The following GSN variants were observed in gnomAD, a reference collection of about 807,000 sequenced individuals.
GSN encodes the protein actin-depolymerizing factor.
GSN carries 56 observed loss-of-function variants against 85.7 expected under a neutral mutation model. That is an observed-to-expected ratio of 0.65 (90% CI 0.53 to 0.82). The LOEUF (loss-of-function observed/expected upper bound fraction) is 0.82, where lower values mean the gene tolerates loss of function less well. Ranked by LOEUF, GSN falls within the 40% of genes least tolerant of loss-of-function variation. GSN has a pLI of 0.00. For missense variants in GSN, 857 were observed against 979.8 expected (o/e 0.87, Z 1.67); for synonymous variants, 373 against 399.1 (o/e 0.93, Z 0.78).
chr9:121,251,187 C>CTGTTTTTTTTTTTTTTTTTT (rs2054825042), intron 6 of GSN, among the ~76,000 whole-genome samples: 1 of 73,044 alleles, frequency 1.4e-5, no homozygotes, highest in African/African-American at 6.5e-5. Flanking sequence ...CTGATGTGTT[C>CTGTTTTTTTTTTTTTTTTTT]TTTTTTTTTT....
At chr9:121,277,049 C>T (rs2056770619) in intron 1 of GSN, among the ~76,000 whole-genome samples, 1 of 152,132 alleles carries the variant, frequency 6.6e-6, no homozygotes, top group South Asian at 2.1e-4. Context: ...CCTGCCCCCA[C>T]CCCTCCATAA....
intron 10 of GSN, among the ~76,000 whole-genome samples, chr9:121,320,220 C>T (rs2062240788): frequency 6.6e-6 from 1 of 152,234 alleles, no homozygotes; most frequent in Non-Finnish European, 1.5e-5. Flanking sequence ...CTCCATAGCT[C>T]CACCAGGTGG....
chr9:121,250,426 G>T (rs1191683471), intron 6 of GSN, among the ~76,000 whole-genome samples: 1 of 151,946 alleles, frequency 6.6e-6, no homozygotes, highest in Non-Finnish European at 1.5e-5. Flanking sequence ...GGCTGGTTTC[G>T]AACTCCTGAC....
intron 4 of GSN, chr9:121,222,329 A>G (rs972359008): frequency 2.6e-5 from 4 of 152,202 alleles, no homozygotes; most frequent in Admixed American, 2.6e-4. Flanking sequence ...TTTAAAAGGT[A>G]AAATCATGAC....
At chr9:121,331,710 T>C (rs1001122237) in intron 17 of GSN, 6 of 402,180 alleles carry the variant, frequency 1.5e-5, no homozygotes, top group African/African-American at 1.2e-4. Flanking sequence ...AGATGAGAAG[T>C]CACTTCAAGT....
intron 2 of GSN, among the ~76,000 whole-genome samples, chr9:121,286,972 A>G (rs755980162): frequency 1.3e-5 from 2 of 152,176 alleles, no homozygotes; most frequent in Non-Finnish European, 2.9e-5. Flanking sequence ...ATGGGCTTCT[A>G]TGAGCATAGG....
At chr9:121,282,358 G>T in intron 2 of GSN, 1 of 637,094 alleles carries the variant, frequency 1.6e-6, no homozygotes, top group Non-Finnish European at 2.5e-6. Context: ...CACCCAAACA[G>T]AAGTGAATTT....
intron 4 of GSN, among the ~76,000 whole-genome samples, chr9:121,220,525 G>T (rs1300142451): frequency 6.6e-6 from 1 of 152,192 alleles, no homozygotes; most frequent in Non-Finnish European, 1.5e-5. Context: ...ACTTTGCCAC[G>T]GTCACTCAGC....
In GSN at chr9:121,268,842, C is replaced by T. The variant is rs10985195; in HGVS notation, c.-103+623C>T. On this transcript the variant is annotated intron_variant, in intron 1 of 17. Transcript: ENST00000432226. Reference sequence around the variant, plus strand: ...GAGTTGAAGACAGTGATTGGAACCCCTTCTCCCTGAGCCCCCATGTCTTCT... The same window carrying T: ...GAGTTGAAGACAGTGATTGGAACCCTTTCTCCCTGAGCCCCCATGTCTTCT... 3.9e-5 allele frequency among the ~76,000 whole-genome samples: 6 copies of T among 152,352 alleles called. No homozygotes were observed. In the East Asian group the frequency reaches 9.7e-4, roughly 25 times the overall value.
chr9:121,246,552 A>T (rs2054703284), intron 5 of GSN, among the ~76,000 whole-genome samples: 1 of 152,130 alleles, frequency 6.6e-6, no homozygotes, highest in South Asian at 2.1e-4. Flanking sequence ...GTTTAGGCAA[A>T]ATTTAGAGAT....
chr9:121,215,233 A>G (rs957899474), intron 4 of GSN, among the ~76,000 whole-genome samples: 3 of 129,148 alleles, frequency 2.3e-5, no homozygotes, highest in African/African-American at 8.4e-5. Flanking sequence ...CCCCACACTC[A>G]TATATGACCC....
intron 4 of GSN, among the ~76,000 whole-genome samples, chr9:121,228,853 A>G (rs1248263558): frequency 6.6e-6 from 1 of 152,214 alleles, no homozygotes; most frequent in Non-Finnish European, 1.5e-5. Flanking sequence ...ATGTACACAC[A>G]GACACACATG....
chr9:121,322,145 C>T (rs566970124), intron 11 of GSN, among the ~76,000 whole-genome samples: 2 of 152,264 alleles, frequency 1.3e-5, no homozygotes, highest in South Asian at 4.1e-4. Flanking sequence ...CTGTCCCTCT[C>T]TACCCCATTC....
At chr9:121,222,526 G>A (rs1290560764) in intron 4 of GSN, among the ~76,000 whole-genome samples, 1 of 152,184 alleles carries the variant, frequency 6.6e-6, no homozygotes, top group African/African-American at 2.4e-5. Flanking sequence ...AATAAAATGC[G>A]ATGTTTGGAA....
intron 5 of GSN, among the ~76,000 whole-genome samples, chr9:121,244,050 T>A (rs1227995624): frequency 6.6e-6 from 1 of 152,228 alleles, no homozygotes; most frequent in Non-Finnish European, 1.5e-5. Context: ...CTGTTCTCTG[T>A]CCCTGTAATA....
intron 7 of GSN, among the ~76,000 whole-genome samples, chr9:121,316,538 A>ATAG (rs753929090): frequency 7.2e-5 from 11 of 152,128 alleles, no homozygotes; most frequent in Non-Finnish European, 1.3e-4. Context: ...TGACGCAATC[A>ATAG]TAGCTCACTA....
intron 11 of GSN, among the ~76,000 whole-genome samples, chr9:121,321,620 G>T (rs2062464391): frequency 6.6e-6 from 1 of 152,216 alleles, no homozygotes; most frequent in South Asian, 2.1e-4. Context: ...TATAGTGAAT[G>T]TGGAGAAACA....
intron 6 of GSN, among the ~76,000 whole-genome samples, chr9:121,259,736 G>A (rs535166108): frequency 7.9e-4 from 121 of 152,304 alleles, no homozygotes; most frequent in Non-Finnish European, 1.5e-3. Context: ...TGTTGGCACC[G>A]GGGATTCCCA....
chr9:121,254,988 C>T (rs1048567420), intron 6 of GSN, among the ~76,000 whole-genome samples: 12 of 152,126 alleles, frequency 7.9e-5, no homozygotes, highest in Admixed American at 5.9e-4. Context: ...CTCTCTCTGT[C>T]GCCCAGGCTG....
Sources: allele counts gnomAD v4.1 joint callset (sites outside exome capture counted in the v4.1 genomes callset), GRCh38; gene constraint gnomAD v4.1.1; transcripts MANE v1.5; gene names NCBI Gene and HGNC (gene_info 2026-07-23, HGNC 2026-07-21).